LAMA2: variants seen among roughly 807,000 people sequenced by gnomAD.
The protein encoded by LAMA2 is laminin subunit alpha 2.
A neutral mutation model predicts 364.8 loss-of-function variants in LAMA2; 269 were observed. The observed-to-expected ratio is 0.74, with a 90% CI of 0.67 to 0.82. LAMA2 has a LOEUF of 0.82. Among genes scored for constraint, LAMA2 ranks in the 40% least tolerant of loss-of-function variants. LAMA2 has a pLI of 0.00. For missense variants in LAMA2, 3,807 were observed against 3,873.2 expected (o/e 0.98, Z 0.45); for synonymous variants, 1,379 against 1,370.6 (o/e 1.01, Z -0.14).
intron 1 of LAMA2, among the ~76,000 whole-genome samples, chr6:129,018,404 T>A (rs1785207837): frequency 6.6e-6 from 1 of 151,824 alleles, no homozygotes; most frequent in African/African-American, 2.4e-5. Context: ...AAAGGAAGAA[T>A]TAATATGATA....
intron 3 of LAMA2, among the ~76,000 whole-genome samples, chr6:129,093,149 AT>A (rs879379072): frequency 0.021 from 3,027 of 143,288 alleles, 81 homozygotes; most frequent in African/African-American, 0.07. Flanking sequence ...CCCCCGACTA[AT>A]TTTTTTTTTT....
In LAMA2 at chr6:128,943,621, A is replaced by G. The variant is rs556601507; in HGVS notation, c.112+60264A>G. ...GTCCATATATTTTTGAAAATGACCT[A>G]GGAACAATGAGACTTTTTGAAGTTT... On this transcript the variant is annotated intron_variant, in intron 1 of 64. Transcript: ENST00000421865. Among the ~76,000 whole-genome samples the G allele has an allele frequency of 3.3e-5, 5 of 152,344 alleles. No homozygotes were observed. The South Asian group carries it at 1.0e-3, about 32-fold the overall frequency.
intron 63 of LAMA2, among the ~76,000 whole-genome samples, chr6:129,513,069 C>G (rs1305107605): frequency 6.6e-6 from 1 of 152,176 alleles, no homozygotes; most frequent in Non-Finnish European, 1.5e-5. Context: ...ATTAAGACAA[C>G]TTTGCACTAT....
At chr6:129,478,638 A>G in intron 53 of LAMA2, 55 bp from the exon 54 acceptor site, 1 of 1,595,888 alleles carries the variant, frequency 6.3e-7, no homozygotes, top group South Asian at 1.1e-5. Flanking sequence ...GTCAGAGACT[A>G]CACTACCATC....
intron 30 of LAMA2, among the ~76,000 whole-genome samples, chr6:129,344,698 A>C (rs931231201): frequency 3.9e-5 from 6 of 152,166 alleles, no homozygotes; most frequent in African/African-American, 1.4e-4. Context: ...AAGGAGAAAA[A>C]GAAGAGCCAA....
intron 32 of LAMA2, among the ~76,000 whole-genome samples, chr6:129,355,207 C>T (rs1407828382): frequency 6.6e-6 from 1 of 152,118 alleles, no homozygotes; most frequent in East Asian, 1.9e-4. Flanking sequence ...CCATATACTG[C>T]TCTTAAGCAT....
At chr6:129,369,796 G>C in intron 33 of LAMA2, 96 bp from the exon 34 acceptor site, 1 of 1,021,690 alleles carries the variant, frequency 9.8e-7, no homozygotes, top group East Asian at 2.4e-5. Context: ...AAGGTGAGAA[G>C]GCTAAGTTCC....
intron 51 of LAMA2, among the ~76,000 whole-genome samples, chr6:129,468,060 C>T (rs1468683710): frequency 6.6e-6 from 1 of 151,692 alleles, no homozygotes; most frequent in Non-Finnish European, 1.5e-5. Flanking sequence ...AAGTCTTCTC[C>T]TTGGCTTTCA....
intron 14 of LAMA2, among the ~76,000 whole-genome samples, chr6:129,256,447 A>G (rs968668325): frequency 1.3e-5 from 2 of 152,112 alleles, no homozygotes; most frequent in African/African-American, 2.4e-5. Context: ...AGGTGGACAA[A>G]TGATCATTCA....
chr6:128,961,338 T>TATAG lies in LAMA2; in HGVS notation c.112+77984_112+77985insGATA, dbSNP rs1554335602. ...AATATGATATATATATATATATATA[T>TATAG]ATATATATATATATATATATATATA... is the stretch of plus-strand genomic sequence containing the variant. On this transcript the variant is annotated intron_variant, in intron 1 of 64. Transcript: ENST00000421865. Among the ~76,000 whole-genome samples, 34 of 46,228 alleles carry TATAG rather than the reference T, an allele frequency of 7.4e-4. 2 individuals are homozygous for TATAG. Among genetic ancestry groups the TATAG allele is most frequent in the Admixed American group, 6.2e-3 (30 of 4,820 alleles). The allele number at this position is 46,228 out of a possible 152,430, so 30.3% of individuals were successfully genotyped here. A position where few individuals can be genotyped will look rare whatever the true frequency, so the allele number is the denominator to read the frequency against.
intron 1 of LAMA2, among the ~76,000 whole-genome samples, chr6:128,972,357 A>G (rs1782236702): frequency 1.3e-5 from 2 of 152,194 alleles, no homozygotes; most frequent in Non-Finnish European, 2.9e-5. Context: ...GTTTTGTATG[A>G]GTTACTTAAC....
intron 4 of LAMA2, among the ~76,000 whole-genome samples, chr6:129,111,238 G>A (rs1002709947): frequency 6.6e-6 from 1 of 151,932 alleles, no homozygotes; most frequent in Non-Finnish European, 1.5e-5. Context: ...ACTGACTACA[G>A]CCAAATATTT....
chr6:129,322,610 A>G (rs1775036165), intron 28 of LAMA2, among the ~76,000 whole-genome samples: 1 of 152,198 alleles, frequency 6.6e-6, no homozygotes, highest in Non-Finnish European at 1.5e-5. Context: ...CTGATTCTGC[A>G]ATATTATTTT....
At chr6:129,225,531 G>A (rs2115110249) in intron 12 of LAMA2, among the ~76,000 whole-genome samples, 1 of 152,220 alleles carries the variant, frequency 6.6e-6, no homozygotes, top group Non-Finnish European at 1.5e-5. Flanking sequence ...CTGGTATGTT[G>A]TATCTTTGTT....
intron 35 of LAMA2, among the ~76,000 whole-genome samples, chr6:129,386,328 A>G (rs889391988): frequency 7.9e-5 from 12 of 151,906 alleles, no homozygotes; most frequent in Non-Finnish European, 4.4e-5. Flanking sequence ...TCCTATTTAT[A>G]CATAGGATCT....
intron 1 of LAMA2, among the ~76,000 whole-genome samples, chr6:128,948,801 A>G (rs906658567): frequency 3.3e-5 from 5 of 152,082 alleles, no homozygotes; most frequent in Admixed American, 6.6e-5. Context: ...CACTCCCTCC[A>G]TGTGACATGT....
intron 1 of LAMA2, among the ~76,000 whole-genome samples, chr6:128,945,092 T>C (rs1030897027): frequency 6.6e-6 from 1 of 152,152 alleles, no homozygotes; most frequent in African/African-American, 2.4e-5. Context: ...GCAAATATCA[T>C]ACAGAAGAGC....
intron 1 of LAMA2, among the ~76,000 whole-genome samples, chr6:128,937,325 C>G (rs967549567): frequency 6.6e-6 from 1 of 151,950 alleles, no homozygotes; most frequent in South Asian, 2.1e-4. Context: ...CTGTAATTTT[C>G]TTTATTTGTA....
At chr6:129,074,666 C>A (rs749753937) in intron 3 of LAMA2, among the ~76,000 whole-genome samples, 1 of 152,154 alleles carries the variant, frequency 6.6e-6, no homozygotes, top group Non-Finnish European at 1.5e-5. Flanking sequence ...CAAAAATCAG[C>A]ATATTATCTG....
Sources: gnomAD v4.1 joint callset for allele counts (sites outside exome capture counted in the v4.1 genomes callset) on GRCh38, gnomAD v4.1.1 for gene constraint, MANE v1.5 for transcripts, NCBI Gene and HGNC (gene_info 2026-07-23, HGNC 2026-07-21) for gene names.